The following CHD9 variants were observed in gnomAD, a reference collection of about 807,000 sequenced individuals.
CHD9 encodes the protein ATP-dependent chromatin remodeler CHD9.
A neutral mutation model predicts 316.1 loss-of-function variants in CHD9; 77 were observed. That is an observed-to-expected ratio of 0.24 (90% confidence interval 0.20 to 0.29). The LOEUF is 0.29. Among genes scored for constraint, CHD9 ranks in the 10% least tolerant of loss-of-function variants. The pLI is 1.00. For synonymous variants in CHD9, 1,129 were observed against 1,158.3 expected, an observed-to-expected ratio of 0.97 and a Z score of 0.51; for missense variants, 2,763 against 3,438.1, an observed-to-expected ratio of 0.80 and a Z score of 4.91.
At chr16:53,058,993 C>T (rs2032532033) in intron 1 of CHD9, among the ~76,000 whole-genome samples, 1 of 152,164 alleles carries the variant, frequency 6.6e-6, no homozygotes, top group Admixed American at 6.6e-5. Context: ...GCTGGGGCTA[C>T]AGGTGCACAC....
At chr16:53,317,610 A>G (rs995727597) in intron 36 of CHD9, among the ~76,000 whole-genome samples, 1 of 152,094 alleles carries the variant, frequency 6.6e-6, no homozygotes, top group Non-Finnish European at 1.5e-5. Context: ...CTCCCATCTC[A>G]GCCCCAACAA....
chr16:53,203,885 G>C (rs1001421376), intron 2 of CHD9, among the ~76,000 whole-genome samples: 1 of 151,070 alleles, frequency 6.6e-6, no homozygotes, highest in Non-Finnish European at 1.5e-5. Context: ...TTAGCCGGGC[G>C]TGGTGGCGGG....
At chr16:53,137,340 ATG>A (rs2039795256) in intron 1 of CHD9, among the ~76,000 whole-genome samples, 1 of 152,094 alleles carries the variant, frequency 6.6e-6, no homozygotes, top group Admixed American at 6.6e-5. Flanking sequence ...TGTATGATGG[ATG>A]TTTTTAGTTT....
intron 3 of CHD9, 110 bp from the exon 4 acceptor site, chr16:53,222,534 A>T (rs1423953430): frequency 1.6e-6 from 1 of 609,332 alleles, no homozygotes; most frequent in African/African-American, 1.9e-5. Flanking sequence ...CCTTGGTTGG[A>T]CATGCAAGTG....
chr16:53,247,028 CAT>C lies in CHD9; in HGVS notation c.3455-263_3455-262del, dbSNP rs1283382771. On this transcript the variant is annotated intron_variant, in intron 15 of 38. Transcript: ENST00000447540. Reference sequence around the variant, plus strand: ...TAACATTCATTAAACATTTGGCAAACATAAATTTATAAAAGGCATTATGCCAG... The same window carrying C: ...TAACATTCATTAAACATTTGGCAAACAAATTTATAAAAGGCATTATGCCAG... 3.3e-5 allele frequency among the ~76,000 whole-genome samples: 5 copies of C among 152,242 alleles called. No homozygotes were observed. In the East Asian group the frequency reaches 9.6e-4, roughly 29 times the overall value.
chr16:53,240,632 C>CT (rs575407207), intron 12 of CHD9, among the ~76,000 whole-genome samples: 25 of 147,994 alleles, frequency 1.7e-4, no homozygotes, highest in African/African-American at 2.2e-4. Flanking sequence ...TATTTAACTT[C>CT]TTTTTTTTTT....
intron 1 of CHD9, among the ~76,000 whole-genome samples, chr16:53,152,840 T>C (rs768039353): frequency 4.1e-4 from 62 of 152,120 alleles, no homozygotes; most frequent in Admixed American, 6.5e-5. Context: ...AACCTTGAGA[T>C]TGGATGAAAT....
chr16:53,159,879 A>T (rs2041789762), intron 2 of CHD9, among the ~76,000 whole-genome samples: 1 of 152,118 alleles, frequency 6.6e-6, no homozygotes, highest in Admixed American at 6.5e-5. Flanking sequence ...GACCTCCCAA[A>T]GTACTGGCAT....
chr16:53,203,897 G>A (rs1292336247), intron 2 of CHD9, among the ~76,000 whole-genome samples: 1 of 150,790 alleles, frequency 6.6e-6, no homozygotes, highest in African/African-American at 2.4e-5. Flanking sequence ...GGTGGCGGGC[G>A]CCTGTAGTCC....
rs1392780979 is a variant in CHD9 at position 53,204,049 on chromosome 16, AT to A, written c.1453-5432del. ...AAAAAAAAAAAAAAAAAAAAAAAAA[AT>A]ATATATATACACACACACACACACA... On this transcript the variant is annotated intron_variant, in intron 2 of 38. Transcript: ENST00000447540. Among the ~76,000 whole-genome samples the A allele has an allele frequency of 5.5e-3, 448 of 81,180 alleles. 39 individuals carry two copies. Among genetic ancestry groups the A allele is most frequent in the Non-Finnish European group, 8.3e-3 (328 of 39,364 alleles). 53.3% of individuals were successfully genotyped at this position (81,180 alleles called of 152,430 possible).
rs192029649 is a variant in CHD9 at position 53,070,156 on chromosome 16, T to C, written c.-165+15079T>C. ...TGGGGTTCTTTATCTATTTTGGGTA[T>C]CAGTCCCTTACCAGATAACAATTCC... On this transcript the variant is annotated intron_variant, in intron 1 of 38. Transcript: ENST00000447540. Among the ~76,000 whole-genome samples, 304 of 152,310 alleles carry C rather than the reference T, an allele frequency of 2.0e-3. 1 individual carries two copies. Among genetic ancestry groups the C allele is most frequent in the African/African-American group, 7.2e-3 (301 of 41,590 alleles).
In CHD9 at chr16:53,297,039, A is replaced by G; in HGVS notation, c.5594A>G (p.Asp1865Gly). ...TTTGACCCTGACAGAGGCCAATTTG[A>G]TTGGACAAAATTTAGAGCTATGGCT... The part of the protein sequence containing the change: ...VVFDPDRGQF[D>G]WTKFRAMARL... The change falls in exon 30 of 39, where the codon GAT (aspartate) becomes GGT (glycine). Residue 1865 changes from aspartate (D) to glycine (G), a missense_variant. By Grantham distance (94) the Asp-to-Gly change is moderately conservative. Coordinates refer to ENST00000447540, the MANE Select transcript of CHD9 (RefSeq NM_001308319.2). The G allele has an allele frequency of 6.2e-7, 1 of 1,613,752 alleles. No homozygotes were observed. Among genetic ancestry groups the G allele is most frequent in the Non-Finnish European group, 8.5e-7 (1 of 1,179,788 alleles).
intron 4 of CHD9, among the ~76,000 whole-genome samples, chr16:53,225,232 G>T (rs559817901): frequency 7.9e-4 from 120 of 152,138 alleles, no homozygotes; most frequent in Admixed American, 1.8e-3. Flanking sequence ...AGAACTTGTG[G>T]TTTATTTTGC....
intron 2 of CHD9, among the ~76,000 whole-genome samples, chr16:53,189,026 G>A (rs2044272463): frequency 6.6e-6 from 1 of 151,644 alleles, no homozygotes; most frequent in Non-Finnish European, 1.5e-5. Context: ...AATTGAAAAA[G>A]CTTGACATCA....
Position 53,324,697 on chromosome 16 carries a change from T to A in CHD9, c.8496T>A (p.Ser2832Arg), listed in dbSNP as rs2057475797. Residue 2832 changes from serine (S) to arginine (R), a missense_variant, in exon 39 of 39, where the codon AGT becomes AGA. Ser to Arg is a moderately radical substitution (Grantham distance 110). Transcript: ENST00000447540. ...CTTTTGATGTACAAAACAAAAACAG[T>A]GACTTAGGCTCGTCTAAGTCTGTAG... is the stretch of plus-strand genomic sequence containing the variant. ...SNTFDVQNKN[S>R]DLGSSKSVEV... is the part of the protein sequence containing the mutation. The A allele has an allele frequency of 1.2e-6, 2 of 1,613,252 alleles. No homozygotes were observed. Among genetic ancestry groups the A allele is most frequent in the African/African-American group, 1.3e-5 (1 of 75,002 alleles).
chr16:53,301,567 G>A (rs1389970752), intron 30 of CHD9, among the ~76,000 whole-genome samples: 1 of 151,956 alleles, frequency 6.6e-6, no homozygotes, highest in Admixed American at 6.6e-5. Flanking sequence ...CACTGGTTGG[G>A]CACTGTATAA....
chr16:53,206,072 C>T (rs1368683293), intron 2 of CHD9, among the ~76,000 whole-genome samples: 1 of 152,086 alleles, frequency 6.6e-6, no homozygotes, highest in East Asian at 1.9e-4. Flanking sequence ...CCTGCCTCAG[C>T]CTCCTAAGTA....
rs2040823854 is a variant in CHD9, at chr16:53,148,475, A to T, written c.-164-7451A>T. Among the ~76,000 whole-genome samples, 3 of 152,272 alleles carry T rather than the reference A, an allele frequency of 2.0e-5. 1 individual carries two copies. In the South Asian group the frequency reaches 6.2e-4, roughly 32 times the overall value. ...ATACCATTTTACATTCCTATGAGAA[A>T]TGTATGAGGGTTCCAATTTCTTCAC... On this transcript the variant is annotated intron_variant, in intron 1 of 38. Transcript: ENST00000447540.
At chr16:53,115,285 GT>G (rs1425445607) in intron 1 of CHD9, among the ~76,000 whole-genome samples, 2 of 152,198 alleles carry the variant, frequency 1.3e-5, no homozygotes, top group Admixed American at 6.5e-5. Context: ...TAATTATTCA[GT>G]TCTGTGTCAC....
Sources: gnomAD v4.1 joint callset for allele counts (sites outside exome capture counted in the v4.1 genomes callset) on GRCh38, gnomAD v4.1.1 for gene constraint, MANE v1.5 for transcripts, NCBI Gene and HGNC (gene_info 2026-07-23, HGNC 2026-07-21) for gene names.